Variants in FARS2 observed in about 807,000 individuals in gnomAD.
FARS2 encodes the protein phenylalanine--tRNA ligase, mitochondrial.
A neutral mutation model predicts 46.4 loss-of-function variants in FARS2; 40 were observed. The observed-to-expected ratio is 0.86, with a 90% CI of 0.67 to 1.12. The LOEUF is 1.12. Among genes scored for constraint, FARS2 ranks in the 50% most tolerant of loss-of-function variants. The probability of loss-of-function intolerance (pLI) is 0.00; values close to 1 mark genes in which losing one functional copy is unlikely to be tolerated. For missense variants in FARS2, 513 were observed against 567.9 expected, an observed-to-expected ratio of 0.90 and a Z score of 0.98; for synonymous variants, 234 against 214.9, an observed-to-expected ratio of 1.09 and a Z score of -0.78.
chr6:5,537,464 AGCTGGAGATGTC>A, intron 4 of FARS2, among the ~76,000 whole-genome samples: 3 of 132,756 alleles, frequency 2.3e-5, no homozygotes, highest in African/African-American at 8.5e-5. Flanking sequence ...CCTCCTCTCG[AGCTGGAGATGTC>A]CCGGGCCTCC....
At chr6:5,438,240 C>T (rs1215045558) in intron 4 of FARS2, among the ~76,000 whole-genome samples, 1 of 10,498 alleles carries the variant, frequency 9.5e-5, no homozygotes, top group Non-Finnish European at 1.9e-4. Context: ...CTTCTACCCA[C>T]CCCCCGCCCC....
intron 4 of FARS2, among the ~76,000 whole-genome samples, chr6:5,500,554 C>T (rs1767731328): frequency 6.6e-6 from 1 of 152,174 alleles, no homozygotes. Flanking sequence ...CAGTTACCTT[C>T]AGTGTTTTTC....
chr6:5,592,805 A>T (rs890470518), intron 5 of FARS2, among the ~76,000 whole-genome samples: 4 of 152,212 alleles, frequency 2.6e-5, no homozygotes, highest in Non-Finnish European at 5.9e-5. Flanking sequence ...CAGCACAGTC[A>T]GTACTCCTTG....
chr6:5,444,761 G>A (rs941693739), intron 4 of FARS2, among the ~76,000 whole-genome samples: 1 of 141,584 alleles, frequency 7.1e-6, no homozygotes, highest in Admixed American at 7.5e-5. Flanking sequence ...CTTTCTTCAG[G>A]CTCATGGAAA....
chr6:5,558,900 G>T (rs1050701006), intron 5 of FARS2, among the ~76,000 whole-genome samples: 2 of 152,052 alleles, frequency 1.3e-5, no homozygotes, highest in Non-Finnish European at 2.9e-5. Context: ...GACGACCCTT[G>T]TAAGAGTCCA....
chr6:5,255,499 G>GA, the FARS2 span, among the ~76,000 whole-genome samples: 42,733 of 151,704 alleles, frequency 0.28, 7,452 homozygotes, highest in African/African-American at 0.5. Context: ...GTTTTTAAAA[G>GA]CTTTTTTTTT....
intron 5 of FARS2, chr6:5,610,290 G>C (rs1775100710): frequency 1.0e-5 from 4 of 390,514 alleles, no homozygotes; most frequent in East Asian, 3.8e-5. Flanking sequence ...CTGTAGTTTT[G>C]ATGCCCTTTT....
At chr6:5,650,040 T>A (rs1777271369) in intron 6 of FARS2, among the ~76,000 whole-genome samples, 1 of 152,222 alleles carries the variant, frequency 6.6e-6, no homozygotes, top group Non-Finnish European at 1.5e-5. Context: ...AGGGCCCCAC[T>A]GCCGGACCCA....
chr6:5,571,711 C>T (rs1403659147), intron 5 of FARS2, among the ~76,000 whole-genome samples: 1 of 152,238 alleles, frequency 6.6e-6, no homozygotes, highest in Non-Finnish European at 1.5e-5. Flanking sequence ...TTCCTCCTGA[C>T]TTCACAGACC....
intron 5 of FARS2, among the ~76,000 whole-genome samples, chr6:5,559,038 T>C (rs1157540949): frequency 1.3e-5 from 2 of 152,162 alleles, no homozygotes; most frequent in Non-Finnish European, 2.9e-5. Flanking sequence ...GATAAAAATG[T>C]AGAACTGTGT....
intron 6 of FARS2, among the ~76,000 whole-genome samples, chr6:5,722,805 C>T (rs1425185394): frequency 2.6e-5 from 4 of 152,198 alleles, no homozygotes; most frequent in Admixed American, 2.6e-4. Context: ...CCTCACCCCA[C>T]TTCCACCTCC....
rs752801499 is a variant in FARS2, at chr6:5,404,664, A to G, written c.735A>G (p.Gln245=). ...AVKLVEFDLK[Q]TLTRLMAHLF... Reference sequence around the variant, plus strand: ...AGCTTGTAGAGTTTGATCTTAAGCAAACGCTTACCAGGCTCATGGCACATC... The same window carrying G: ...AGCTTGTAGAGTTTGATCTTAAGCAGACGCTTACCAGGCTCATGGCACATC... Residue 245 remains glutamine, a synonymous_variant, in exon 3 of 7, where the codon CAA becomes CAG. Transcript: ENST00000274680. The G allele has an allele frequency of 2.1e-5, 33 of 1,607,610 alleles. No individual in the cohort carries two copies. The highest frequency in any genetic ancestry group is 2.7e-5 in the Non-Finnish European group (32 of 1,176,574).
chr6:5,544,455 C>T (rs975788681), intron 4 of FARS2, among the ~76,000 whole-genome samples: 1 of 152,198 alleles, frequency 6.6e-6, no homozygotes, highest in African/African-American at 2.4e-5. Flanking sequence ...AGCTTTCCTG[C>T]AGTGTGAACT....
At chr6:5,752,025 C>G (rs1761977190) in intron 6 of FARS2, among the ~76,000 whole-genome samples, 1 of 152,098 alleles carries the variant, frequency 6.6e-6, no homozygotes, top group African/African-American at 2.4e-5. Flanking sequence ...TAGTGAGGAG[C>G]CAGGCTCACT....
chr6:5,586,532 G>A (rs1251535239), intron 5 of FARS2, among the ~76,000 whole-genome samples: 1 of 152,140 alleles, frequency 6.6e-6, no homozygotes, highest in Admixed American at 6.5e-5. Flanking sequence ...GTATCCCAGG[G>A]AGAAATTCCA....
chr6:5,769,256 G>A (rs1762907771), intron 6 of FARS2, among the ~76,000 whole-genome samples: 1 of 152,200 alleles, frequency 6.6e-6, no homozygotes, highest in South Asian at 2.1e-4. Flanking sequence ...GATAGTCTTG[G>A]TGCTCTTGTC....
chr6:5,313,385 A>G (rs752699117), intron 1 of FARS2, among the ~76,000 whole-genome samples: 6 of 152,154 alleles, frequency 3.9e-5, no homozygotes, highest in Non-Finnish European at 8.8e-5. Flanking sequence ...GTCGTACTTA[A>G]TGCATAAAGG....
At chr6:5,489,940 A>T (rs35304975) in intron 4 of FARS2, among the ~76,000 whole-genome samples, 20,136 of 152,154 alleles carry the variant, frequency 0.13, 1,552 homozygotes, top group Non-Finnish European at 0.17. Flanking sequence ...AAAGTCTTTC[A>T]TTTCATGTGC....
At chr6:5,578,684 C>T (rs1773133316) in intron 5 of FARS2, among the ~76,000 whole-genome samples, 2 of 151,668 alleles carry the variant, frequency 1.3e-5, no homozygotes, top group Admixed American at 1.3e-4. Context: ...TGGTGGGCGC[C>T]TATAGTCCCA....
Sources: gnomAD v4.1 joint callset for allele counts (sites outside exome capture counted in the v4.1 genomes callset) on GRCh38, gnomAD v4.1.1 for gene constraint, MANE v1.5 for transcripts, NCBI Gene and HGNC (gene_info 2026-07-23, HGNC 2026-07-21) for gene names.